The following FMO2 variants were observed in gnomAD, a reference collection of about 807,000 sequenced individuals.
FMO2 encodes the protein flavin-containing monooxygenase 2.
In FMO2, 33 loss-of-function variants were observed where a neutral mutation model predicts 41.6. The observed-to-expected ratio is 0.79, with a 90% CI of 0.60 to 1.06. FMO2 has a LOEUF of 1.06. Among genes scored for constraint, FMO2 ranks in the 50% least tolerant of loss-of-function variants. The pLI, the probability that FMO2 is intolerant of heterozygous loss-of-function variation, is 0.00. For missense variants in FMO2, 619 were observed against 632.9 expected, an observed-to-expected ratio of 0.98 and a Z score of 0.23; for synonymous variants, 214 against 219.6, an observed-to-expected ratio of 0.97 and a Z score of 0.23.
intron 6 of FMO2, 55 bp from the exon 7 acceptor site, chr1:171,205,224 T>C: frequency 5.2e-6 from 6 of 1,155,486 alleles, no homozygotes; most frequent in Non-Finnish European, 7.5e-6. Flanking sequence ...ATCAAGAGGG[T>C]TCAAGATTCC....
At chr1:171,196,479 A>C (rs1658315955) in intron 3 of FMO2, among the ~76,000 whole-genome samples, 170 bp from the exon 4 acceptor site, 1 of 152,140 alleles carries the variant, frequency 6.6e-6, no homozygotes, top group Non-Finnish European at 1.5e-5. Context: ...TTTTCATGAG[A>C]ACTTGCTTTT....
Position 171,204,033 on chromosome 1 carries a change from C to T in FMO2, c.796C>T (p.His266Tyr). 1.2e-6 allele frequency: 2 copies of T among 1,613,570 alleles called. No homozygotes were observed. Among genetic ancestry groups the T allele is most frequent in the Middle Eastern group, 3.3e-4 (2 of 6,054 alleles). ...IEQQMNRWFN[H>Y]ENYGLEPQNK... ...ACAACAGATGAATCGGTGGTTCAAC[C>T]ATGAAAATTATGGCCTTGAGCCTCA... Residue 266 changes from histidine (H) to tyrosine (Y), a missense_variant, in exon 6 of 9, where the codon CAT becomes TAT. Physicochemically the swap from His to Tyr is moderately conservative, Grantham distance 83 (BLOSUM62 2). Transcript: ENST00000209929.
At chr1:171,202,064 T>C (rs1658562474) in intron 5 of FMO2, among the ~76,000 whole-genome samples, 1 of 152,142 alleles carries the variant, frequency 6.6e-6, no homozygotes, top group Non-Finnish European at 1.5e-5. Context: ...ACCTAAAACA[T>C]GCGTCTCAGA....
intron 7 of FMO2, chr1:171,207,491 C>G: frequency 2.4e-6 from 1 of 410,564 alleles, no homozygotes; most frequent in Non-Finnish European, 4.3e-6. Flanking sequence ...CTTTTCCAGC[C>G]TCTTCTCTTG....
chr1:171,204,756 C>A (rs746848637), intron 6 of FMO2, among the ~76,000 whole-genome samples: 1 of 152,106 alleles, frequency 6.6e-6, no homozygotes, highest in Non-Finnish European at 1.5e-5. Flanking sequence ...AACATCCATG[C>A]TATTACTAAC....
intron 5 of FMO2, among the ~76,000 whole-genome samples, chr1:171,201,871 T>G (rs760278172): frequency 1.3e-4 from 20 of 152,160 alleles, no homozygotes; most frequent in Non-Finnish European, 2.6e-4. Flanking sequence ...TCGTGAGAAC[T>G]TACTCCCTAT....
Position 171,203,924 on chromosome 1 carries a change from T to C in FMO2, c.687T>C (p.Tyr229=). 6.2e-7 allele frequency: 1 copy of C among 1,613,692 alleles called. No individual in the cohort carries two copies. The highest frequency in any genetic ancestry group is 8.5e-7 in the Non-Finnish European group (1 of 1,179,732). The change falls in exon 6 of 9, where the codon TAT becomes TAC. Residue 229 remains tyrosine, a synonymous_variant. Transcript: ENST00000209929. ...TGAGCCGTATCTCTGAAGATGGCTA[T>C]CCTTGGGACTCAGTGTTCCACACCC... ...WVMSRISEDG[Y]PWDSVFHTRF... is the part of the protein sequence containing the mutation.
At chr1:171,207,826 G>A (rs1658828332) in intron 8 of FMO2, 36 bp downstream of exon 8, 2 of 1,319,308 alleles carry the variant, frequency 1.5e-6, no homozygotes, top group African/African-American at 1.5e-5. Context: ...ATGAAGCAGT[G>A]TTTCTCAAAG....
At position 171,210,083 on chromosome 1, in the gene FMO2, T is replaced by G. The variant is rs1445742805; in HGVS notation, c.*938T>G. The G allele has an allele frequency of 1.3e-5, 2 of 152,174 alleles. No homozygotes were observed. The highest frequency in any genetic ancestry group is 3.8e-4 in the East Asian group (2 of 5,196). The allele number at this position is 152,174 out of a possible 1,614,324, so 9.4% of individuals were successfully genotyped here. A position where few individuals can be genotyped will look rare whatever the true frequency, so the allele number is the denominator to read the frequency against. On this transcript the variant is annotated 3_prime_UTR_variant, in exon 9 of 9. Coordinates refer to ENST00000209929, the MANE Select transcript of FMO2 (RefSeq NM_001460.5). ...ATAAAGAATTTACTAACAGTTTATC[T>G]TATTTATACCCATACATCTGCTACT...
chr1:171,199,086 A>T (rs28369875), intron 4 of FMO2, among the ~76,000 whole-genome samples: 1 of 151,992 alleles, frequency 6.6e-6, no homozygotes, highest in East Asian at 2.0e-4. Flanking sequence ...TATTTTTTGT[A>T]GATACAGGGT....
chr1:171,194,994 G>T (rs1161291864), intron 3 of FMO2, among the ~76,000 whole-genome samples: 1 of 152,162 alleles, frequency 6.6e-6, no homozygotes, highest in Non-Finnish European at 1.5e-5. Context: ...ATACCAGAAG[G>T]TTTTGTAACT....
chr1:171,187,771 AC>A (rs1418808571), intron 2 of FMO2, among the ~76,000 whole-genome samples: 1 of 152,050 alleles, frequency 6.6e-6, no homozygotes, highest in African/African-American at 2.4e-5. Context: ...TTACACAAAC[AC>A]CTAATTTAAA....
intron 2 of FMO2, 146 bp from the exon 3 acceptor site, chr1:171,193,187 CAT>C: frequency 8.3e-6 from 5 of 599,052 alleles, no homozygotes; most frequent in South Asian, 6.4e-5. Flanking sequence ...TGATGGAACA[CAT>C]AGACTGCATT....
At chr1:171,189,900 A>G (rs1286430686) in intron 2 of FMO2, among the ~76,000 whole-genome samples, 1 of 152,112 alleles carries the variant, frequency 6.6e-6, no homozygotes, top group African/African-American at 2.4e-5. Context: ...TTTTAATCAT[A>G]TTCAATTCAA....
chr1:171,189,470 G>C (rs184796537), intron 2 of FMO2, among the ~76,000 whole-genome samples: 1 of 151,980 alleles, frequency 6.6e-6, no homozygotes, highest in African/African-American at 2.4e-5. Context: ...GTAAATACCT[G>C]AGCCAGGGAA....
chr1:171,212,165 G>T lies in FMO2; in HGVS notation c.*3020G>T, dbSNP rs1305312580. ...ACTTGCAATAGTATTGGGAGATGGG[G>T]CCTAATGAGGTGATTAGGTGAAGTC... On this transcript the variant is annotated 3_prime_UTR_variant, in exon 9 of 9. Coordinates refer to ENST00000209929, the MANE Select transcript of FMO2 (RefSeq NM_001460.5). 6.6e-6 allele frequency among the ~76,000 whole-genome samples: 1 copy of T among 152,134 alleles called. No homozygotes were observed. The highest frequency in any genetic ancestry group is 2.4e-5 in the African/African-American group (1 of 41,426).
intron 2 of FMO2, chr1:171,188,784 A>G (rs1250061991): frequency 6.6e-6 from 1 of 152,188 alleles, no homozygotes; most frequent in Non-Finnish European, 1.5e-5. Flanking sequence ...AAATAAGTAA[A>G]TTTAAGAATC....
At chr1:171,197,440 T>C (rs1335256207) in intron 4 of FMO2, among the ~76,000 whole-genome samples, 1 of 152,134 alleles carries the variant, frequency 6.6e-6, no homozygotes, top group Non-Finnish European at 1.5e-5. Flanking sequence ...GTTAGAGCAA[T>C]GAAAGTTTGC....
intron 2 of FMO2, among the ~76,000 whole-genome samples, chr1:171,188,014 G>T (rs909584641): frequency 1.4e-5 from 2 of 142,892 alleles, no homozygotes; most frequent in African/African-American, 5.2e-5. Flanking sequence ...AGGTTCACAT[G>T]TAGATTTCAG....
Sources: allele counts gnomAD v4.1 joint callset (sites outside exome capture counted in the v4.1 genomes callset), GRCh38; gene constraint gnomAD v4.1.1; transcripts MANE v1.5; gene names NCBI Gene and HGNC (gene_info 2026-07-23, HGNC 2026-07-21).